Variants in POR observed in about 807,000 individuals in gnomAD.
The protein encoded by POR is NADPH--cytochrome P450 reductase.
A neutral mutation model predicts 84.0 loss-of-function variants in POR; 56 were observed. The ratio of observed to expected loss-of-function variants is 0.67; its 90% CI spans 0.54 to 0.83. The LOEUF is 0.83. POR is among the 40% of genes least tolerant of loss of function. The pLI, the probability that POR is intolerant of heterozygous loss-of-function variation, is 0.00. For missense variants in POR, 938 were observed against 944.3 expected (o/e 0.99, Z 0.09); for synonymous variants, 414 against 400.5 (o/e 1.03, Z -0.40).
At chr7:75,935,490 C>T (rs373603297) in intron 1 of POR, among the ~76,000 whole-genome samples, 100 of 152,074 alleles carry the variant, frequency 6.6e-4, no homozygotes, top group Non-Finnish European at 1.3e-3. Context: ...AGGTGATCTG[C>T]CCCCGTCGGC....
At position 75,977,591 on chromosome 7, in the gene POR, C is replaced by T. The variant is rs181647738; in HGVS notation, c.238-1860C>T. Among the ~76,000 whole-genome samples the T allele has an allele frequency of 4.8e-3, 736 of 152,254 alleles. 2 individuals are homozygous for T. Among genetic ancestry groups the T allele is most frequent in the Middle Eastern group, 0.014 (4 of 294 alleles). The stretch of plus-strand genomic sequence containing the variant: ...AGGAGTTCGAGACCAGCCTGGCCAA[C>T]GTGTTGAAACCCAGTCTCTACTAAA... On this transcript the variant is annotated intron_variant, in intron 3 of 15. Coordinates refer to ENST00000461988, the MANE Select transcript of POR (RefSeq NM_000941.3).
At chr7:75,982,622 G>A (rs1246650295) in intron 8 of POR, among the ~76,000 whole-genome samples, 3 of 152,202 alleles carry the variant, frequency 2.0e-5, no homozygotes, top group Admixed American at 6.5e-5. Flanking sequence ...TTTGGCAGAA[G>A]GGCTCATTTT....
At chr7:75,961,611 T>G (rs1267281659) in intron 2 of POR, among the ~76,000 whole-genome samples, 2 of 152,176 alleles carry the variant, frequency 1.3e-5, no homozygotes, top group African/African-American at 4.8e-5. Flanking sequence ...TACTCACTCC[T>G]CGCCGGTCTT....
chr7:75,967,027 T>C (rs1290208191), intron 2 of POR, among the ~76,000 whole-genome samples: 1 of 152,096 alleles, frequency 6.6e-6, no homozygotes, highest in African/African-American at 2.4e-5. Context: ...TGGAGTGCAG[T>C]GGCACAATCT....
chr7:75,977,986 G>A (rs1245387526), intron 3 of POR, among the ~76,000 whole-genome samples: 14 of 152,164 alleles, frequency 9.2e-5, no homozygotes, highest in Admixed American at 8.5e-4. Context: ...AGGATTTCAG[G>A]CTTTTCAACA....
chr7:75,931,859 C>G (rs1329123323), intron 1 of POR, among the ~76,000 whole-genome samples: 1 of 152,192 alleles, frequency 6.6e-6, no homozygotes, highest in South Asian at 2.1e-4. Context: ...AAAGATGTGT[C>G]TTCCACCAGA....
At chr7:75,915,374 C>A (rs1806501746) in intron 1 of POR, 195 bp downstream of exon 1, 1 of 152,418 alleles carries the variant, frequency 6.6e-6, no homozygotes. Flanking sequence ...CTCCGCGTCG[C>A]CCTTCCCCTA....
intron 3 of POR, among the ~76,000 whole-genome samples, chr7:75,974,528 T>TC (rs1163712483): frequency 6.2e-5 from 9 of 145,396 alleles, no homozygotes; most frequent in Admixed American, 1.4e-4. Context: ...TCTTTTCTTT[T>TC]TTTTTTTTTT....
At position 75,980,507 on chromosome 7, in the gene POR, G is replaced by A. The variant is rs2116589214; in HGVS notation, c.516+19G>A. On this transcript the variant is annotated intron_variant, in intron 5 of 15. Transcript: ENST00000461988. ...GTTCGCGGTGAGTCACCCAGAGACTGCTATGGGCTCCCGGTGGCCTGCGGT... is the reference window on the plus strand; with the variant it reads ...GTTCGCGGTGAGTCACCCAGAGACTACTATGGGCTCCCGGTGGCCTGCGGT... 1 of 1,612,810 alleles carries A rather than the reference G, an allele frequency of 6.2e-7. No homozygotes were observed. The highest frequency in any genetic ancestry group is 8.5e-7 in the Non-Finnish European group (1 of 1,179,832).
chr7:75,923,286 C>A, intron 1 of POR: 1 of 1,226,396 alleles, frequency 8.2e-7, no homozygotes, highest in Non-Finnish European at 1.2e-6. Context: ...AATTGCCTTC[C>A]CAAGGAAGCA....
At chr7:75,981,195 T>C (rs782287159) in intron 6 of POR, 23 bp downstream of exon 6, 3 of 1,522,782 alleles carry the variant, frequency 2.0e-6, no homozygotes, top group Admixed American at 2.0e-5. Flanking sequence ...CCTGCCACCA[T>C]GATCAGCGCG....
rs115962545 is a variant in POR at position 75,928,477 on chromosome 7, G to T, written c.-5+13298G>T. On this transcript the variant is annotated intron_variant, in intron 1 of 15. Transcript: ENST00000461988. ...GTAATGGCCTGTGAGAGGAAGTCAC[G>T]TATGTCACTTCTGGATGGAAGCATT... 2.8e-3 allele frequency among the ~76,000 whole-genome samples: 428 copies of T among 152,344 alleles called. 1 individual carries two copies. Among genetic ancestry groups the T allele is most frequent in the African/African-American group, 8.3e-3 (346 of 41,592 alleles).
chr7:75,980,488 G>A lies in POR; in HGVS notation c.516G>A (p.Ala172=), dbSNP rs782798260. The A allele has an allele frequency of 2.0e-5, 32 of 1,612,710 alleles. No individual in the cohort carries two copies. The highest frequency in any genetic ancestry group is 3.3e-5 in the Admixed American group (2 of 59,988). ...TGGATCTCTCTGGGGTCAAGTTCGC[G>A]GTGAGTCACCCAGAGACTGCTATGG... Residue 172 remains alanine (A), a splice_region_variant and synonymous_variant, in exon 5 of 16, where the codon GCG becomes GCA. Coordinates refer to ENST00000461988, the MANE Select transcript of POR (RefSeq NM_000941.3).
chr7:75,980,865 AC>A, intron 5 of POR, 182 bp from the exon 6 acceptor site: 3 of 1,087,800 alleles, frequency 2.8e-6, no homozygotes, highest in Non-Finnish European at 2.6e-6. Flanking sequence ...CTGCAGGTCA[AC>A]CAGATGAAGC....
At chr7:75,945,908 C>T (rs1787150880) in intron 1 of POR, among the ~76,000 whole-genome samples, 1 of 152,150 alleles carries the variant, frequency 6.6e-6, no homozygotes, top group South Asian at 2.1e-4. Flanking sequence ...TGGAAGATAA[C>T]CTGTTCCAGT....
intron 2 of POR, among the ~76,000 whole-genome samples, chr7:75,966,877 C>A (rs782508461): frequency 2.6e-5 from 4 of 152,188 alleles, no homozygotes; most frequent in Non-Finnish European, 5.9e-5. Context: ...TTAATTGGAA[C>A]CTTTCATGCT....
intron 1 of POR, among the ~76,000 whole-genome samples, chr7:75,952,130 G>A (rs868932528): frequency 1.8e-5 from 2 of 108,862 alleles, no homozygotes; most frequent in Non-Finnish European, 3.8e-5. Context: ...GCAGCTGGCC[G>A]GGCGGGGGGC....
rs372941705 is a variant in POR, at chr7:75,979,593, G to A, written c.366+14G>A. ...GAGTATGACCTGGTAAGCTGCCACC[G>A]CGTGCTGGCCCCAGATGGAGGCAGT... On this transcript the variant is annotated intron_variant, in intron 4 of 15. Transcript: ENST00000461988. 169 of 1,612,130 alleles carry A rather than the reference G, an allele frequency of 1.0e-4. No individual in the cohort carries two copies. Among genetic ancestry groups the A allele is most frequent in the Non-Finnish European group, 1.2e-4 (144 of 1,179,558 alleles).
chr7:75,926,026 CTCTCT>C (rs1305305101), intron 1 of POR, among the ~76,000 whole-genome samples: 28 of 130,760 alleles, frequency 2.1e-4, no homozygotes, highest in African/African-American at 9.6e-4. Flanking sequence ...TCTCTTTTCT[CTCTCT>C]TTTTTTTTTT....
Sources: gnomAD v4.1 joint callset for allele counts (sites outside exome capture counted in the v4.1 genomes callset) on GRCh38, gnomAD v4.1.1 for gene constraint, MANE v1.5 for transcripts, NCBI Gene and HGNC (gene_info 2026-07-23, HGNC 2026-07-21) for gene names.